Variants in UVRAG observed in about 807,000 individuals in gnomAD.
UVRAG encodes the protein UV radiation resistance-associated gene protein.
UVRAG carries 19 observed loss-of-function variants against 78.0 expected under a neutral mutation model. The ratio of observed to expected loss-of-function variants is 0.24; its 90% CI spans 0.17 to 0.36. The LOEUF (loss-of-function observed/expected upper bound fraction) is 0.36. Among genes scored for constraint, UVRAG ranks in the 10% least tolerant of loss-of-function variants. UVRAG has a pLI of 1.00. For synonymous variants in UVRAG, 323 were observed against 324.6 expected (o/e 1.00, Z 0.05); for missense variants, 740 against 853.8 (o/e 0.87, Z 1.66).
At chr11:75,958,032 A>C (rs967327417) in intron 6 of UVRAG, among the ~76,000 whole-genome samples, 1 of 152,208 alleles carries the variant, frequency 6.6e-6, no homozygotes, top group Non-Finnish European at 1.5e-5. Flanking sequence ...TCTAAAAACA[A>C]TGTACATACC....
chr11:75,932,928 C>T (rs1184042393), intron 6 of UVRAG, among the ~76,000 whole-genome samples: 3 of 152,100 alleles, frequency 2.0e-5, no homozygotes, highest in South Asian at 2.1e-4. Flanking sequence ...GTCTGTTCTA[C>T]CCAAGGCAAC....
chr11:75,818,988 C>A (rs1945327741), intron 1 of UVRAG, among the ~76,000 whole-genome samples: 2 of 152,094 alleles, frequency 1.3e-5, no homozygotes, highest in Non-Finnish European at 2.9e-5. Flanking sequence ...TCCTGACAAT[C>A]AAAAATGAGT....
chr11:75,954,908 T>C (rs1948765799), intron 6 of UVRAG, among the ~76,000 whole-genome samples: 1 of 152,242 alleles, frequency 6.6e-6, no homozygotes, highest in African/African-American at 2.4e-5. Context: ...AAGAGGTTGC[T>C]TGAGCTGCCT....
intron 13 of UVRAG, among the ~76,000 whole-genome samples, chr11:76,086,371 A>T (rs1394275649): frequency 6.6e-6 from 1 of 152,234 alleles, no homozygotes; most frequent in Non-Finnish European, 1.5e-5. Context: ...ACAGGGAGAC[A>T]TGAATCCAGG....
intron 6 of UVRAG, among the ~76,000 whole-genome samples, chr11:75,935,796 C>T (rs1187279004): frequency 6.6e-6 from 1 of 152,118 alleles, no homozygotes; most frequent in Non-Finnish European, 1.5e-5. Flanking sequence ...CAAATACGAA[C>T]ATCCTTCTAG....
chr11:76,004,103 GAGA>G lies in UVRAG; in HGVS notation c.911+19_911+21del, dbSNP rs760924100. ...CACTGCAAAAAGGTAAATGCACACT[GAGA>G]AGAATTGCTGTGAGTGTGGAGTTTA... On this transcript the variant is annotated intron_variant, in intron 9 of 14. Coordinates refer to ENST00000356136, the MANE Select transcript of UVRAG (RefSeq NM_003369.4). 6 of 1,611,176 alleles carry G rather than the reference GAGA, an allele frequency of 3.7e-6. No individual in the cohort carries two copies. The East Asian group carries it at 6.7e-5, about 18-fold the overall frequency.
At chr11:75,933,506 G>A (rs1225741433) in intron 6 of UVRAG, among the ~76,000 whole-genome samples, 1 of 152,126 alleles carries the variant, frequency 6.6e-6, no homozygotes, top group South Asian at 2.1e-4. Context: ...ATGGGCAAAT[G>A]GGATCACATC....
At chr11:76,020,085 G>A (rs149760404) in intron 12 of UVRAG, among the ~76,000 whole-genome samples, 13 of 152,194 alleles carry the variant, frequency 8.5e-5, no homozygotes, top group Non-Finnish European at 1.9e-4. Context: ...CTTATTATAC[G>A]CAGAGGTTTC....
intron 12 of UVRAG, among the ~76,000 whole-genome samples, chr11:76,045,859 A>T (rs986823096): frequency 6.6e-6 from 1 of 152,180 alleles, no homozygotes; most frequent in African/African-American, 2.4e-5. Context: ...ATAATAATGC[A>T]AGAAAATTCT....
At chr11:76,061,420 G>T (rs1420848092) in intron 12 of UVRAG, among the ~76,000 whole-genome samples, 1 of 152,160 alleles carries the variant, frequency 6.6e-6, no homozygotes, top group African/African-American at 2.4e-5. Context: ...AACCCGCTGG[G>T]GTCCCCTTCC....
intron 5 of UVRAG, among the ~76,000 whole-genome samples, chr11:75,896,748 A>G (rs1044544387): frequency 1.3e-5 from 2 of 152,200 alleles, no homozygotes; most frequent in Non-Finnish European, 2.9e-5. Context: ...AATCTTGAGT[A>G]GATGATATTT....
intron 7 of UVRAG, among the ~76,000 whole-genome samples, chr11:75,975,397 G>A (rs958749882): frequency 2.4e-4 from 37 of 152,228 alleles, no homozygotes; most frequent in African/African-American, 8.4e-4. Context: ...TTCCAATTCT[G>A]TGAAGAAAGT....
chr11:75,979,604 C>T (rs566578883), intron 7 of UVRAG: 176 of 156,292 alleles, frequency 1.1e-3, no homozygotes, highest in African/African-American at 3.2e-3. Flanking sequence ...GCCTCGCTGC[C>T]GCCTTGCAGT....
intron 8 of UVRAG, among the ~76,000 whole-genome samples, chr11:76,000,144 A>G (rs926997799): frequency 2.6e-5 from 4 of 152,240 alleles, no homozygotes; most frequent in Admixed American, 2.0e-4. Context: ...AACATACTGA[A>G]AACAGCTAGC....
At chr11:75,951,540 G>T (rs140077969) in intron 6 of UVRAG, among the ~76,000 whole-genome samples, 2,099 of 151,982 alleles carry the variant, frequency 0.014, 13 homozygotes, top group Middle Eastern at 0.024. Context: ...GTGCCATCAC[G>T]CCTGGCTAAT....
At chr11:75,962,207 TTAAAA>T (rs1385138183) in intron 7 of UVRAG, among the ~76,000 whole-genome samples, 1 of 152,138 alleles carries the variant, frequency 6.6e-6, no homozygotes, top group Non-Finnish European at 1.5e-5. Context: ...TGGATTGGAC[TTAAAA>T]TAAAATTCAG....
intron 3 of UVRAG, among the ~76,000 whole-genome samples, chr11:75,867,263 C>T (rs1946557324): frequency 8.5e-5 from 13 of 152,176 alleles, no homozygotes; most frequent in Admixed American, 8.5e-4. Flanking sequence ...TATCCAGCAT[C>T]CAGATCAACA....
intron 13 of UVRAG, among the ~76,000 whole-genome samples, chr11:76,089,625 G>T (rs1172090354): frequency 6.6e-6 from 1 of 152,194 alleles, no homozygotes; most frequent in Admixed American, 6.5e-5. Context: ...TATACATGCT[G>T]TTAAAGAGTC....
intron 3 of UVRAG, among the ~76,000 whole-genome samples, chr11:75,877,001 C>T (rs922314983): frequency 1.3e-5 from 2 of 151,076 alleles, no homozygotes; most frequent in African/African-American, 2.5e-5. Context: ...TGCGGCCTTC[C>T]GCAGTGTTTG....
Sources: allele counts gnomAD v4.1 joint callset (sites outside exome capture counted in the v4.1 genomes callset), GRCh38; gene constraint gnomAD v4.1.1; transcripts MANE v1.5; gene names NCBI Gene and HGNC (gene_info 2026-07-23, HGNC 2026-07-21).